The following WDFY4 variants were observed in gnomAD, a reference collection of about 807,000 sequenced individuals.
The protein encoded by WDFY4 is WD repeat- and FYVE domain-containing protein 4.
In WDFY4, 169 loss-of-function variants were observed where a neutral mutation model predicts 351.9. The ratio of observed to expected loss-of-function variants is 0.48; its 90% CI spans 0.42 to 0.55. The LOEUF (loss-of-function observed/expected upper bound fraction) is 0.55. WDFY4 is among the 20% of genes least tolerant of loss of function. The pLI is 0.00. For missense variants in WDFY4, 3,803 were observed against 3,935.6 expected, an observed-to-expected ratio of 0.97 and a Z score of 0.90; for synonymous variants, 1,622 against 1,574.6, an observed-to-expected ratio of 1.03 and a Z score of -0.71.
chr10:48,880,520 C>G (rs544923303), intron 43 of WDFY4, among the ~76,000 whole-genome samples: 2 of 152,380 alleles, frequency 1.3e-5, no homozygotes, highest in African/African-American at 4.8e-5. Flanking sequence ...ACACTGTTTG[C>G]TGTGCCAGTG....
In WDFY4 at chr10:48,805,709, A is replaced by G. The variant is rs540336965; in HGVS notation, c.4646+288A>G. 5.3e-5 allele frequency among the ~76,000 whole-genome samples: 8 copies of G among 152,326 alleles called. No homozygotes were observed. The South Asian group carries it at 1.7e-3, about 32-fold the overall frequency. On this transcript the variant is annotated intron_variant, in intron 26 of 61. Transcript: ENST00000325239. ...TAAGCACTGCCATCCTTGCCAGCCA[A>G]TGACCCACATGCCTGGCTCCTGCAG...
At chr10:48,803,663 T>A (rs2067158432) in intron 25 of WDFY4, among the ~76,000 whole-genome samples, 1 of 152,180 alleles carries the variant, frequency 6.6e-6, no homozygotes, top group African/African-American at 2.4e-5. Flanking sequence ...AAGGCACTTT[T>A]GGAATTAGTC....
chr10:48,813,814 C>T (rs1416821792), intron 30 of WDFY4, 143 bp from the exon 31 acceptor site: 3 of 996,290 alleles, frequency 3.0e-6, no homozygotes, highest in Non-Finnish European at 4.1e-6. Flanking sequence ...GAAATTGTTC[C>T]TATGGATCAA....
At chr10:48,771,809 G>A (rs2065874441) in intron 13 of WDFY4, among the ~76,000 whole-genome samples, 1 of 152,168 alleles carries the variant, frequency 6.6e-6, no homozygotes, top group African/African-American at 2.4e-5. Context: ...TTACCCAGAA[G>A]TTGATGTTGA....
At chr10:48,841,936 C>T (rs1476271181) in intron 39 of WDFY4, among the ~76,000 whole-genome samples, 1 of 152,084 alleles carries the variant, frequency 6.6e-6, no homozygotes, top group Non-Finnish European at 1.5e-5. Context: ...TTTAATAAAG[C>T]AGCTAGTTCA....
At chr10:48,775,603 C>T (rs909506620) in intron 14 of WDFY4, 109 bp from the exon 15 acceptor site, 2 of 1,019,248 alleles carry the variant, frequency 2.0e-6, no homozygotes, top group Non-Finnish European at 2.9e-6. Context: ...TCCAGTGGGG[C>T]TGGGAGGTCA....
chr10:48,953,333 TCACACA>T (rs1554820608), intron 51 of WDFY4, among the ~76,000 whole-genome samples: 10 of 128,130 alleles, frequency 7.8e-5, no homozygotes, highest in African/African-American at 2.4e-4. Context: ...TCTCTCTCTC[TCACACA>T]CACACACACA....
At chr10:48,815,671 C>T (rs1300893874) in intron 31 of WDFY4, among the ~76,000 whole-genome samples, 2 of 151,858 alleles carry the variant, frequency 1.3e-5, no homozygotes, top group Admixed American at 1.3e-4. Flanking sequence ...GTTGGCCAGG[C>T]TCAGAAGTGT....
intron 35 of WDFY4, among the ~76,000 whole-genome samples, chr10:48,824,479 CG>C (rs1776401655): frequency 6.6e-6 from 1 of 152,134 alleles, no homozygotes; most frequent in African/African-American, 2.4e-5. Flanking sequence ...TCAGAAATCT[CG>C]GGTCACCAAA....
rs1288794225 is a variant in WDFY4 at position 48,805,224 on chromosome 10, TA to T, written c.4485-32del. On this transcript the variant is annotated intron_variant, in intron 25 of 61. Transcript: ENST00000325239. ...ACACAGCAAATTTGGTTCATTCCAG[TA>T]AAAGCTTTTACTGTCTCTCTCCTGT... 2.6e-6 allele frequency: 4 copies of T among 1,523,008 alleles called. No homozygotes were observed. In the East Asian group the frequency reaches 9.9e-5, roughly 38 times the overall value. The allele number at this position is 1,523,008 out of a possible 1,614,324, so 94.3% of individuals were successfully genotyped here. A position where few individuals can be genotyped will look rare whatever the true frequency, so the allele number is the denominator to read the frequency against.
At chr10:48,735,298 G>C (rs1407292172) in intron 10 of WDFY4, among the ~76,000 whole-genome samples, 1 of 152,108 alleles carries the variant, frequency 6.6e-6, no homozygotes, top group African/African-American at 2.4e-5. Context: ...TATATCACCT[G>C]TCAGGTTTCT....
intron 47 of WDFY4, among the ~76,000 whole-genome samples, chr10:48,913,137 C>G (rs1473374639): frequency 6.6e-6 from 1 of 152,196 alleles, no homozygotes; most frequent in African/African-American, 2.4e-5. Flanking sequence ...CATGGACAGG[C>G]CCTTCCTGAC....
chr10:48,781,268 A>G (rs138694897), intron 19 of WDFY4, among the ~76,000 whole-genome samples: 7,917 of 150,296 alleles, frequency 0.053, 314 homozygotes, highest in Middle Eastern at 0.16. Context: ...GTGTGTGTGT[A>G]TATATATATA....
chr10:48,824,769 G>T (rs1231689464), intron 35 of WDFY4, among the ~76,000 whole-genome samples: 1 of 152,140 alleles, frequency 6.6e-6, no homozygotes, highest in Admixed American at 6.6e-5. Context: ...CCTCCAAGTA[G>T]CTAGGACTAC....
At chr10:48,797,027 A>C (rs1235068360) in intron 24 of WDFY4, among the ~76,000 whole-genome samples, 2 of 152,228 alleles carry the variant, frequency 1.3e-5, no homozygotes, top group African/African-American at 4.8e-5. Flanking sequence ...CCCCACAGCC[A>C]GATGGGACTG....
chr10:48,857,439 T>C (rs2069174185), intron 39 of WDFY4, among the ~76,000 whole-genome samples: 1 of 152,166 alleles, frequency 6.6e-6, no homozygotes, highest in Non-Finnish European at 1.5e-5. Context: ...GCATTAGTTT[T>C]GTTTACTATT....
intron 43 of WDFY4, among the ~76,000 whole-genome samples, chr10:48,883,566 G>A (rs2070340663): frequency 6.6e-6 from 1 of 152,206 alleles, no homozygotes; most frequent in Non-Finnish European, 1.5e-5. Flanking sequence ...ACATGCCCAC[G>A]ATAGGGGCAT....
chr10:48,786,646 A>G lies in WDFY4; in HGVS notation c.3584A>G (p.Tyr1195Cys), dbSNP rs1399658192. ...TCCTTTTTATTTTAACAGATGTTAT[A>G]CATCCAGGCTCTACCAGGGCCTTTC... ...GQVIGSAKML[Y>C]IQALPGPFLS... The change falls in exon 20 of 62, where the codon TAC (tyrosine) becomes TGC (cysteine). Residue 1195 changes from tyrosine (Y) to cysteine (C), a missense_variant. Coordinates refer to ENST00000325239, the MANE Select transcript of WDFY4 (RefSeq NM_001394531.1). 2 of 1,550,286 alleles carry G rather than the reference A, an allele frequency of 1.3e-6. No individual in the cohort carries two copies. The highest frequency in any genetic ancestry group is 1.7e-6 in the Non-Finnish European group (2 of 1,146,570).
intron 56 of WDFY4, 89 bp from the exon 57 acceptor site, chr10:48,970,042 C>A: frequency 5.5e-6 from 8 of 1,449,910 alleles, no homozygotes; most frequent in Middle Eastern, 3.6e-4. Flanking sequence ...CCAAGGCACT[C>A]AGACTGGCCC....
Sources: gnomAD v4.1 joint callset for allele counts (sites outside exome capture counted in the v4.1 genomes callset) on GRCh38, gnomAD v4.1.1 for gene constraint, MANE v1.5 for transcripts, NCBI Gene and HGNC (gene_info 2026-07-23, HGNC 2026-07-21) for gene names.